ARMH4: variants seen among roughly 807,000 people sequenced by gnomAD.
ARMH4 encodes the protein armadillo like helical domain containing 4, also known as armadillo-like helical domain-containing protein 4.
In ARMH4, 49 loss-of-function variants were observed where a neutral mutation model predicts 61.9. The observed-to-expected ratio is 0.79, with a 90% CI of 0.63 to 1.00. ARMH4 has a LOEUF of 1.00. Among genes scored for constraint, ARMH4 ranks in the 50% least tolerant of loss-of-function variants. ARMH4 has a pLI of 0.00. For missense variants in ARMH4, 934 were observed against 930.0 expected (o/e 1.00, Z -0.06); for synonymous variants, 368 against 341.5 (o/e 1.08, Z -0.85).
intron 5 of ARMH4, among the ~76,000 whole-genome samples, chr14:58,074,475 A>G (rs1182031881): frequency 6.8e-6 from 1 of 147,752 alleles, no homozygotes; most frequent in Admixed American, 6.7e-5. Flanking sequence ...TTTTTAGTTT[A>G]ATTTGCAGTA....
At chr14:58,052,051 C>T (rs904505481) in intron 5 of ARMH4, among the ~76,000 whole-genome samples, 2 of 152,156 alleles carry the variant, frequency 1.3e-5, no homozygotes, top group Non-Finnish European at 2.9e-5. Context: ...CCCTGCCCTG[C>T]CCTTACTCTA....
intron 1 of ARMH4, among the ~76,000 whole-genome samples, chr14:58,151,684 T>G (rs1887926866): frequency 6.6e-6 from 1 of 152,206 alleles, no homozygotes; most frequent in Non-Finnish European, 1.5e-5. Flanking sequence ...CGGGAACTTC[T>G]CTCTCACTGC....
intron 5 of ARMH4, among the ~76,000 whole-genome samples, chr14:58,045,773 C>A (rs1424341786): frequency 6.6e-6 from 1 of 151,772 alleles, no homozygotes; most frequent in Non-Finnish European, 1.5e-5. Flanking sequence ...TAGGATATGC[C>A]CCTAATCCAA....
At chr14:58,051,524 C>G (rs970182503) in intron 5 of ARMH4, among the ~76,000 whole-genome samples, 10 of 152,124 alleles carry the variant, frequency 6.6e-5, no homozygotes, top group African/African-American at 2.4e-4. Context: ...AATAGTTCCA[C>G]CAAAGAAAAT....
In ARMH4 at chr14:58,139,124, C is replaced by A. The variant is rs1484788123; in HGVS notation, c.235G>T (p.Ala79Ser). 6.2e-7 allele frequency: 1 copy of A among 1,614,212 alleles called. No homozygotes were observed. The highest frequency in any genetic ancestry group is 1.1e-5 in the South Asian group (1 of 91,076). Residue 79 changes from alanine (A) to serine (S), a missense_variant, in exon 2 of 8, where the codon GCA (alanine) becomes TCA (serine). Physicochemically the swap from Ala to Ser is moderately conservative, Grantham distance 99. Coordinates refer to ENST00000267485, the MANE Select transcript of ARMH4 (RefSeq NM_001001872.4). ...TTTAATGATGTTGCCGATGGTACTG[C>A]TGACATCATCATTGGATCTTCAGAG... ...VVSEDPMMMS[A>S]VPSATSLNKA...
At position 58,098,827 on chromosome 14, in the gene ARMH4, G is replaced by A. The variant is rs556386424; in HGVS notation, c.1832-1846C>T. Among the ~76,000 whole-genome samples, 9 of 151,994 alleles carry A rather than the reference G, an allele frequency of 5.9e-5. No homozygotes were observed. In the East Asian group the frequency reaches 9.7e-4, roughly 16 times the overall value. ...ATTTCAATAGGTTTTTGGGGAACAG[G>A]TAGTACTGACTTATATTTTTAAAGA... On this transcript the variant is annotated intron_variant, in intron 4 of 7. Transcript: ENST00000267485.
chr14:58,025,522 C>G (rs899161426), intron 5 of ARMH4, among the ~76,000 whole-genome samples: 2 of 152,132 alleles, frequency 1.3e-5, no homozygotes, highest in African/African-American at 4.8e-5. Flanking sequence ...TTGTTCAAAG[C>G]ATGTGTAACT....
At chr14:58,015,848 C>A (rs1752293590) in intron 5 of ARMH4, among the ~76,000 whole-genome samples, 1 of 149,914 alleles carries the variant, frequency 6.7e-6, no homozygotes, top group Admixed American at 6.6e-5. Flanking sequence ...TTGCTTGAGA[C>A]CAGTCTAGGT....
chr14:58,071,167 A>G (rs1215743276), intron 5 of ARMH4, among the ~76,000 whole-genome samples: 1 of 149,740 alleles, frequency 6.7e-6, no homozygotes, highest in Non-Finnish European at 1.5e-5. Flanking sequence ...TATATATTAT[A>G]TACAATAGTA....
intron 6 of ARMH4, among the ~76,000 whole-genome samples, chr14:58,007,014 A>G (rs998045194): frequency 1.3e-5 from 2 of 152,204 alleles, no homozygotes; most frequent in Admixed American, 6.5e-5. Flanking sequence ...AAACTCTGCA[A>G]TTTTCCATGT....
intron 4 of ARMH4, among the ~76,000 whole-genome samples, chr14:58,107,156 A>G (rs1886189666): frequency 1.3e-5 from 2 of 152,212 alleles, no homozygotes; most frequent in African/African-American, 4.8e-5. Context: ...TTAGATCTCC[A>G]GAAGATACAG....
chr14:58,021,885 C>T (rs1477806366), intron 5 of ARMH4, among the ~76,000 whole-genome samples: 1 of 152,138 alleles, frequency 6.6e-6, no homozygotes, highest in Non-Finnish European at 1.5e-5. Flanking sequence ...TGGCCAGAAA[C>T]ACAGAGAAGG....
intron 5 of ARMH4, among the ~76,000 whole-genome samples, chr14:58,052,215 C>A (rs1884167973): frequency 6.6e-6 from 1 of 152,132 alleles, no homozygotes; most frequent in Non-Finnish European, 1.5e-5. Flanking sequence ...GTCCTGCGCA[C>A]CCCCATGCCC....
chr14:58,094,573 G>A (rs1261953217), intron 5 of ARMH4, among the ~76,000 whole-genome samples: 1 of 152,186 alleles, frequency 6.6e-6, no homozygotes, highest in Non-Finnish European at 1.5e-5. Context: ...GTATGTGAGT[G>A]TGTGCATGTG....
rs559004830 is a variant in ARMH4, at chr14:58,137,426, T to C, written c.1369+564A>G. Reference sequence around the variant, plus strand: ...TCTTTTTCTTTTTTGAGAGGGAGTTTCACTCTTGTCACCCAGGCTGGAGTG... The same window carrying C: ...TCTTTTTCTTTTTTGAGAGGGAGTTCCACTCTTGTCACCCAGGCTGGAGTG... On this transcript the variant is annotated intron_variant, in intron 2 of 7. Coordinates refer to ENST00000267485, the MANE Select transcript of ARMH4 (RefSeq NM_001001872.4). Among the ~76,000 whole-genome samples, 87 of 152,268 alleles carry C rather than the reference T, an allele frequency of 5.7e-4. No individual in the cohort carries two copies. The South Asian group carries it at 0.016, about 28-fold the overall frequency.
At chr14:58,133,992 T>C (rs1429521218) in intron 2 of ARMH4, among the ~76,000 whole-genome samples, 2 of 152,212 alleles carry the variant, frequency 1.3e-5, no homozygotes, top group Non-Finnish European at 2.9e-5. Flanking sequence ...TGTGTAAGCA[T>C]AAACAAATTA....
At chr14:58,084,399 G>A (rs147058345) in intron 5 of ARMH4, among the ~76,000 whole-genome samples, 6 of 152,044 alleles carry the variant, frequency 3.9e-5, no homozygotes, top group African/African-American at 1.4e-4. Flanking sequence ...TATTTCCCCC[G>A]TGGCAGGACT....
intron 4 of ARMH4, among the ~76,000 whole-genome samples, chr14:58,100,252 G>A (rs370688171): frequency 2.0e-5 from 3 of 152,334 alleles, no homozygotes; most frequent in Non-Finnish European, 4.4e-5. Flanking sequence ...TGAAATAGTC[G>A]TCTTGGAGAG....
chr14:58,118,724 C>T (rs760454542), intron 4 of ARMH4, among the ~76,000 whole-genome samples: 30 of 152,140 alleles, frequency 2.0e-4, no homozygotes, highest in African/African-American at 7.0e-4. Flanking sequence ...TTGTACCAGA[C>T]GAACCTAATT....
Sources: gnomAD v4.1 joint callset for allele counts (sites outside exome capture counted in the v4.1 genomes callset) on GRCh38, gnomAD v4.1.1 for gene constraint, MANE v1.5 for transcripts, NCBI Gene and HGNC (gene_info 2026-07-23, HGNC 2026-07-21) for gene names.